The following SETX variants were observed in gnomAD, a reference collection of about 807,000 sequenced individuals.
SETX encodes helicase senataxin.
A neutral mutation model predicts 227.2 loss-of-function variants in SETX; 90 were observed. The ratio of observed to expected loss-of-function variants is 0.40; its 90% CI spans 0.33 to 0.47. The LOEUF is 0.47. Ranked by LOEUF, SETX falls within the 20% of genes least tolerant of loss-of-function variation. The pLI is 0.91. For missense variants in SETX, 3,052 were observed against 3,181.5 expected (o/e 0.96, Z 0.98); for synonymous variants, 1,210 against 1,113.2 (o/e 1.09, Z -1.73).
At chr9:132,266,637 T>A (rs1421923642) in intron 25 of SETX, among the ~76,000 whole-genome samples, 1 of 152,112 alleles carries the variant, frequency 6.6e-6, no homozygotes, top group Non-Finnish European at 1.5e-5. Context: ...CCAAGTGTAG[T>A]GGTGCACAGC....
At chr9:132,318,097 T>C (rs142897721) in intron 10 of SETX, among the ~76,000 whole-genome samples, 2 of 152,286 alleles carry the variant, frequency 1.3e-5, no homozygotes, top group East Asian at 3.9e-4. Context: ...TTGTGGGAGA[T>C]CTGAGTGGAC....
intron 21 of SETX, among the ~76,000 whole-genome samples, chr9:132,277,789 CAAAAAAAAAAAA>C (rs372125008): frequency 0.033 from 2,268 of 68,168 alleles, 67 homozygotes; most frequent in African/African-American, 0.1. Flanking sequence ...ACCCTGTCTT[CAAAAAAAAAAAA>C]AAAAAAAAAA....
chr9:132,312,851 T>A (rs760021166), intron 10 of SETX, among the ~76,000 whole-genome samples: 35 of 152,208 alleles, frequency 2.3e-4, no homozygotes, highest in Admixed American at 9.2e-4. Flanking sequence ...TGTCCATCAG[T>A]TGGTGAATGC....
At chr9:132,354,592 C>G (rs1231087612) in intron 1 of SETX, among the ~76,000 whole-genome samples, 1 of 152,000 alleles carries the variant, frequency 6.6e-6, no homozygotes. Flanking sequence ...CTTTCCACCC[C>G]GAGACCTCCC....
intron 5 of SETX, among the ~76,000 whole-genome samples, chr9:132,337,635 A>C (rs1178218671): frequency 6.6e-6 from 1 of 152,210 alleles, no homozygotes. Flanking sequence ...AACAAATTAT[A>C]AACTACTGAA....
At chr9:132,336,189 G>A (rs1329091762) in intron 6 of SETX, 107 bp downstream of exon 6, 20 of 900,906 alleles carry the variant, frequency 2.2e-5, no homozygotes, top group African/African-American at 6.6e-5. Flanking sequence ...CTTGCGGTGA[G>A]TGGAGATGGT....
intron 15 of SETX, among the ~76,000 whole-genome samples, chr9:132,295,378 T>C (rs1844608472): frequency 6.6e-6 from 1 of 152,192 alleles, no homozygotes; most frequent in Non-Finnish European, 1.5e-5. Context: ...AGCTTGTGCT[T>C]ACTCAAAGCC....
At chr9:132,271,648 C>T in intron 24 of SETX, 62 bp downstream of exon 24, 1 of 1,364,644 alleles carries the variant, frequency 7.3e-7, no homozygotes, top group Non-Finnish European at 1.0e-6. Context: ...GAACCTAATC[C>T]TGAACTATAA....
chr9:132,270,689 A>G (rs1842862987), intron 24 of SETX, among the ~76,000 whole-genome samples: 1 of 152,230 alleles, frequency 6.6e-6, no homozygotes, highest in African/African-American at 2.4e-5. Context: ...GAAAAATCCT[A>G]AAAATGTGGT....
chr9:132,284,516 G>A (rs1415179891), intron 18 of SETX, among the ~76,000 whole-genome samples: 1 of 152,196 alleles, frequency 6.6e-6, no homozygotes, highest in African/African-American at 2.4e-5. Flanking sequence ...TGACCCCAGT[G>A]TGGTTTGATT....
At position 132,331,297 on chromosome 9, in the gene SETX, A is replaced by C; in HGVS notation, c.990T>G (p.His330Gln). 6.2e-7 allele frequency: 1 copy of C among 1,614,124 alleles called. No individual in the cohort carries two copies. Residue 330 changes from histidine (H) to glutamine (Q), a missense_variant, in exon 8 of 26, where the codon CAT becomes CAG. His to Gln is a conservative substitution (Grantham distance 24, BLOSUM62 0). This residue lies in a region of SETX where 239 missense variants were observed against 240.8 expected (regional missense o/e 0.99). Coordinates refer to ENST00000224140, the MANE Select transcript of SETX (RefSeq NM_015046.7). ...CTAACCTTACAGAGCTGTTCCGTAT[A>C]TGTCGGATCTCTCTATTGTAGCTTG... ...NNASYNREIR[H>Q]IRNSSVRTKL...
intron 10 of SETX, among the ~76,000 whole-genome samples, chr9:132,322,763 A>T (rs979615276): frequency 6.6e-6 from 1 of 152,248 alleles, no homozygotes; most frequent in Non-Finnish European, 1.5e-5. Context: ...GACTATAAAC[A>T]CTAAAATGAA....
intron 5 of SETX, among the ~76,000 whole-genome samples, chr9:132,339,034 C>T (rs1847807443): frequency 6.6e-6 from 1 of 152,194 alleles, no homozygotes; most frequent in African/African-American, 2.4e-5. Flanking sequence ...AAGGCCTGGG[C>T]TTTCGAGCAT....
At chr9:132,348,372 A>T (rs1353688465) in intron 3 of SETX, among the ~76,000 whole-genome samples, 1 of 66,260 alleles carries the variant, frequency 1.5e-5, no homozygotes, top group African/African-American at 5.0e-5. Flanking sequence ...CAAAAAAAAA[A>T]CAAAACAAAA....
chr9:132,296,022 T>A lies in SETX; in HGVS notation c.5956A>T (p.Arg1986Trp), dbSNP rs868436982. ...GAGTTTTCGTCTGAATGCCCCTTCC[T>A]CTGGTTCTACAATTTGCCACATATA... The part of the protein sequence containing the change: ...LLYRLLTENQ[R>W]KGHSDENSNA... Residue 1986 changes from arginine (R) to tryptophan (W), a missense_variant, in exon 15 of 26, where the codon AGG becomes TGG. Arg to Trp is a moderately radical substitution (Grantham distance 101). Coordinates refer to ENST00000224140, the MANE Select transcript of SETX (RefSeq NM_015046.7). 4 of 1,614,192 alleles carry A rather than the reference T, an allele frequency of 2.5e-6. No homozygotes were observed. The Middle Eastern group carries it at 6.6e-4, about 266-fold the overall frequency.
chr9:132,296,128 G>T (rs987437891), intron 14 of SETX, 100 bp from the exon 15 acceptor site: 5 of 1,394,734 alleles, frequency 3.6e-6, no homozygotes, highest in African/African-American at 2.9e-5. Context: ...ATGTATTTTT[G>T]AAAGTTCTCG....
chr9:132,341,569 G>A (rs974329592), intron 5 of SETX, among the ~76,000 whole-genome samples: 4 of 152,166 alleles, frequency 2.6e-5, no homozygotes, highest in Non-Finnish European at 5.9e-5. Context: ...GGTTACATAA[G>A]GGCTAGGCAG....
rs544547338 is a variant in SETX at position 132,283,185 on chromosome 9, A to G, written c.6546+79T>C. 83 of 1,584,106 alleles carry G rather than the reference A, an allele frequency of 5.2e-5. No homozygotes were observed. The African/African-American group carries it at 9.5e-4, about 18-fold the overall frequency. On this transcript the variant is annotated intron_variant, in intron 19 of 25. Coordinates refer to ENST00000224140, the MANE Select transcript of SETX (RefSeq NM_015046.7). ...CAAAAAAAAAAAACACATTTCCTCA[A>G]CATTTCAGCAGCCACAATTCATCTA...
chr9:132,320,487 G>C (rs1340332418), intron 10 of SETX, among the ~76,000 whole-genome samples: 1 of 151,146 alleles, frequency 6.6e-6, no homozygotes, highest in Non-Finnish European at 1.5e-5. Flanking sequence ...CCAGCTACTC[G>C]GGAGGTTGAG....
Sources: allele counts gnomAD v4.1 joint callset (sites outside exome capture counted in the v4.1 genomes callset), GRCh38; gene constraint gnomAD v4.1.1; regional missense constraint gnomAD v4.1.1; transcripts MANE v1.5; gene names NCBI Gene and HGNC (gene_info 2026-07-23, HGNC 2026-07-21).